The following MYBPC2 variants were observed in gnomAD, a reference collection of about 807,000 sequenced individuals.
MYBPC2 encodes the protein myosin-binding protein C, fast-type.
MYBPC2 carries 122 observed loss-of-function variants against 137.0 expected under a neutral mutation model. That is an observed-to-expected ratio of 0.89 (90% CI 0.77 to 1.03). The LOEUF is 1.03. Among genes scored for constraint, MYBPC2 ranks in the 50% least tolerant of loss-of-function variants. The pLI is 0.00. For synonymous variants in MYBPC2, 626 were observed against 612.3 expected (o/e 1.02, Z -0.33); for missense variants, 1,500 against 1,534.4 (o/e 0.98, Z 0.37).
intron 12 of MYBPC2, among the ~76,000 whole-genome samples, chr19:50,446,595 G>A (rs1022694851): frequency 6.0e-5 from 9 of 151,226 alleles, no homozygotes; most frequent in East Asian, 1.9e-4. Flanking sequence ...CAAGGTGGGC[G>A]GATCACTTGA....
At chr19:50,438,564 G>A (rs1046365497) in intron 7 of MYBPC2, among the ~76,000 whole-genome samples, 28 of 152,132 alleles carry the variant, frequency 1.8e-4, no homozygotes, top group Non-Finnish European at 3.4e-4. Context: ...TTGATGTTCT[G>A]CAGGTAAAAA....
chr19:50,447,202 G>C (rs572805979), intron 12 of MYBPC2, among the ~76,000 whole-genome samples: 13 of 152,056 alleles, frequency 8.5e-5, no homozygotes, highest in Non-Finnish European at 1.6e-4. Flanking sequence ...CAGGTCTGTG[G>C]TCTGAGTAAC....
intron 26 of MYBPC2, among the ~76,000 whole-genome samples, chr19:50,462,406 A>T (rs2039980370): frequency 1.3e-5 from 2 of 150,892 alleles, no homozygotes; most frequent in African/African-American, 2.4e-5. Flanking sequence ...CTGGTCTTGA[A>T]CTCCTAGGCT....
chr19:50,466,064 G>C lies in MYBPC2; in HGVS notation c.3416-131G>C, dbSNP rs369920512. 2 of 1,295,880 alleles carry C rather than the reference G, an allele frequency of 1.5e-6. No individual in the cohort carries two copies. The highest frequency in any genetic ancestry group is 2.2e-6 in the Non-Finnish European group (2 of 929,950). 80.3% of individuals were successfully genotyped at this position (1,295,880 alleles called of 1,614,324 possible). On this transcript the variant is annotated intron_variant, in intron 27 of 27. Coordinates refer to ENST00000357701, the MANE Select transcript of MYBPC2 (RefSeq NM_004533.4). The surrounding 1 kb of genome is among the most constrained non-coding windows in gnomAD (Gnocchi z 4.9). The stretch of plus-strand genomic sequence containing the variant: ...GACTCTGGGTTGTCCAGCCACAGTG[G>C]CCTAGGATGGGGCGGGATGGTGACC...
rs1294841621 is a variant in MYBPC2, at chr19:50,435,842, A to G, written c.176A>G (p.Asp59Gly). The stretch of plus-strand genomic sequence containing the variant: ...ACCGGCGTTTTCCTGAAGAAGCCGG[A>G]CTCCGTCTCAGTGGAGACTGGTGAG... ...EPTGVFLKKP[D>G]SVSVETGKDA... Residue 59 changes from aspartate (D) to glycine (G), a missense_variant, in exon 3 of 28, where the codon GAC becomes GGC. By Grantham distance (94) the Asp-to-Gly change is moderately conservative (BLOSUM62 -1). Coordinates refer to ENST00000357701, the MANE Select transcript of MYBPC2 (RefSeq NM_004533.4). This position sits in a 1 kb window ranked among gnomAD's most constrained non-coding sequence, Gnocchi z 4.8. 2 of 1,601,312 alleles carry G rather than the reference A, an allele frequency of 1.2e-6. No homozygotes were observed. The highest frequency in any genetic ancestry group is 1.7e-6 in the Non-Finnish European group (2 of 1,173,850).
intron 7 of MYBPC2, among the ~76,000 whole-genome samples, 197 bp from the exon 8 acceptor site, chr19:50,440,683 A>AAAT (rs1346707385): frequency 1.3e-5 from 2 of 151,444 alleles, no homozygotes; most frequent in African/African-American, 4.8e-5. Flanking sequence ...AAAACCAAAA[A>AAAT]ACCCAGTGGG....
At chr19:50,452,963 C>T (rs1425806355) in intron 16 of MYBPC2, among the ~76,000 whole-genome samples, 1 of 152,114 alleles carries the variant, frequency 6.6e-6, no homozygotes. Flanking sequence ...GCTTCCATTT[C>T]CTCTTCTGTA....
rs964325198 is a variant in MYBPC2 at position 50,465,520 on chromosome 19, G to A, written c.3416-675G>A. ...TGAGGACAGCCCAGCAGACAGGGTG[G>A]CTGGGGACCCTTAACAAAGGCTCAG... On this transcript the variant is annotated intron_variant, in intron 27 of 27. Coordinates refer to ENST00000357701, the MANE Select transcript of MYBPC2 (RefSeq NM_004533.4). This position sits in a 1 kb window ranked among gnomAD's most constrained non-coding sequence, Gnocchi z 4.5. Among the ~76,000 whole-genome samples the A allele has an allele frequency of 1.3e-5, 2 of 152,168 alleles. No individual in the cohort carries two copies. The highest frequency in any genetic ancestry group is 4.8e-5 in the African/African-American group (2 of 41,448).
Position 50,437,727 on chromosome 19 carries a change from C to A in MYBPC2, c.572+9C>A. 1 of 1,598,878 alleles carries A rather than the reference C, an allele frequency of 6.3e-7. No homozygotes were observed. Among genetic ancestry groups the A allele is most frequent in the South Asian group, 1.1e-5 (1 of 88,240 alleles). On this transcript the variant is annotated intron_variant, in intron 7 of 27. Transcript: ENST00000357701. ...GGCCTGTTGAAGAAGAGGTGAGCCCCGGACTTGGCACAGAGAGGGGAGATG... is the reference window on the plus strand; with the variant it reads ...GGCCTGTTGAAGAAGAGGTGAGCCCAGGACTTGGCACAGAGAGGGGAGATG...
Position 50,435,081 on chromosome 19 carries a change from G to T in MYBPC2, c.20-80G>T. 1 of 709,544 alleles carries T rather than the reference G, an allele frequency of 1.4e-6. No individual in the cohort carries two copies. The highest frequency in any genetic ancestry group is 2.6e-6 in the Non-Finnish European group (1 of 384,740). The allele number at this position is 709,544 out of a possible 1,614,324, so 44.0% of individuals were successfully genotyped here. A position where few individuals can be genotyped will look rare whatever the true frequency, so the allele number is the denominator to read the frequency against. On this transcript the variant is annotated intron_variant, in intron 1 of 27. Transcript: ENST00000357701. This position sits in a 1 kb window ranked among gnomAD's most constrained non-coding sequence, Gnocchi z 4.8. The stretch of plus-strand genomic sequence containing the variant: ...TGGGTCTGAGGGAGGAGGGGCTGGG[G>T]GGTCTGGACTCCTGCGTCTGAGGGA...
At chr19:50,452,057 T>G in intron 16 of MYBPC2, 54 bp downstream of exon 16, 2 of 1,514,456 alleles carry the variant, frequency 1.3e-6, no homozygotes, top group Non-Finnish European at 1.8e-6. Flanking sequence ...GGCAAGTCTC[T>G]TTCCCCCTGA....
At position 50,459,290 on chromosome 19, in the gene MYBPC2, C is replaced by G. The variant is rs2039946329; in HGVS notation, c.2775C>G (p.Ile925Met). 6.2e-7 allele frequency: 1 copy of G among 1,606,196 alleles called. No homozygotes were observed. Among genetic ancestry groups the G allele is most frequent in the Non-Finnish European group, 8.5e-7 (1 of 1,176,832 alleles). The change falls in exon 23 of 28, where the codon ATC (isoleucine) becomes ATG (methionine). Residue 925 changes from isoleucine to methionine, a missense_variant. Transcript: ENST00000357701. The part of the protein sequence containing the change: ...QIENMKDTAT[I>M]RIRVVEKAGP... ...AGAACATGAAGGACACCGCCACCAT[C>G]CGCATCCGCGTTGTGGGTGCGCGCG...
chr19:50,443,005 T>C (rs1292619497), intron 9 of MYBPC2, among the ~76,000 whole-genome samples: 1 of 151,982 alleles, frequency 6.6e-6, no homozygotes, highest in Non-Finnish European at 1.5e-5. Context: ...TCTTGACCTC[T>C]TCAAGCAATC....
At chr19:50,461,772 T>G in intron 25 of MYBPC2, 71 bp downstream of exon 25, 1 of 1,596,966 alleles carries the variant, frequency 6.3e-7, no homozygotes, top group East Asian at 2.3e-5. Flanking sequence ...CCTGGACTCC[T>G]GCCCTCCCCT....
Position 50,440,940 on chromosome 19 carries a change from C to T in MYBPC2, c.633C>T (p.Pro211=), listed in dbSNP as rs920066874. ...AAGATGACGATGACCTAGGCATCCC[C>T]CCGGAGATTTGGGAGCTCCTGAAAG... ...KKKDDDDLGI[P]PEIWELLKGA... is the part of the protein sequence containing the mutation. The change falls in exon 8 of 28, where the codon CCC becomes CCT. Residue 211 remains proline, a synonymous_variant. Coordinates refer to ENST00000357701, the MANE Select transcript of MYBPC2 (RefSeq NM_004533.4). 3 of 1,613,836 alleles carry T rather than the reference C, an allele frequency of 1.9e-6. No individual in the cohort carries two copies. The East Asian group carries it at 6.7e-5, about 36-fold the overall frequency.
Position 50,441,015 on chromosome 19 carries a change from C to A in MYBPC2, c.708C>A (p.Thr236=). The A allele has an allele frequency of 6.2e-7, 1 of 1,610,804 alleles. No homozygotes were observed. Among genetic ancestry groups the A allele is most frequent in the Non-Finnish European group, 8.5e-7 (1 of 1,178,500 alleles). The change falls in exon 8 of 28, where the codon ACC becomes ACA. Residue 236 remains threonine, a synonymous_variant. Coordinates refer to ENST00000357701, the MANE Select transcript of MYBPC2 (RefSeq NM_004533.4). ...AAATCGCCTTCCAGTATGGCATCACCGACCTCCGGGGCATGCTGAAGCGGC... is the reference window on the plus strand; with the variant it reads ...AAATCGCCTTCCAGTATGGCATCACAGACCTCCGGGGCATGCTGAAGCGGC... ...YEKIAFQYGI[T]DLRGMLKRLK...
chr19:50,437,553 A>T, intron 6 of MYBPC2, 32 bp downstream of exon 6: 5 of 1,604,364 alleles, frequency 3.1e-6, no homozygotes, highest in Non-Finnish European at 4.3e-6. Context: ...CCAGGGTCCC[A>T]AGGACCATGG....
rs1475348974 is a variant in MYBPC2 at position 50,448,317 on chromosome 19, G to A, written c.1399G>A (p.Val467Met). Residue 467 changes from valine to methionine, a missense_variant, in exon 13 of 28, where the codon GTG (valine) becomes ATG (methionine). Transcript: ENST00000357701. Reference sequence around the variant, plus strand: ...CAAGTGCGAGGTGTCTGATGAGAAAGTGACGGGCAAGTGGTATAAGAATGG... The same window carrying A: ...CAAGTGCGAGGTGTCTGATGAGAAAATGACGGGCAAGTGGTATAAGAATGG... ...VFKCEVSDEKVTGKWYKNGVE... is the reference protein window; with the variant it reads ...VFKCEVSDEKMTGKWYKNGVE... 1 of 1,613,840 alleles carries A rather than the reference G, an allele frequency of 6.2e-7. No individual in the cohort carries two copies. The highest frequency in any genetic ancestry group is 1.3e-5 in the African/African-American group (1 of 74,938).
At chr19:50,434,710 C>G (rs2039685900) in intron 1 of MYBPC2, among the ~76,000 whole-genome samples, 1 of 152,212 alleles carries the variant, frequency 6.6e-6, no homozygotes, top group Admixed American at 6.5e-5. Flanking sequence ...TGGCATCAGG[C>G]CAAGCAGGCT....
Sources: gnomAD v4.1 joint callset for allele counts (sites outside exome capture counted in the v4.1 genomes callset) on GRCh38, gnomAD v4.1.1 for gene constraint, Gnocchi (gnomAD v3.1) non-coding constraint, MANE v1.5 for transcripts, NCBI Gene and HGNC (gene_info 2026-07-23, HGNC 2026-07-21) for gene names.